FAM117B: variants seen among roughly 807,000 people sequenced by gnomAD.
FAM117B encodes family with sequence similarity 117 member B, also known as protein FAM117B.
FAM117B carries 22 observed loss-of-function variants against 52.8 expected under a neutral mutation model. The ratio of observed to expected loss-of-function variants is 0.42; its 90% confidence interval spans 0.30 to 0.59. FAM117B has a LOEUF of 0.59. Ranked by LOEUF, FAM117B falls within the 20% of genes least tolerant of loss-of-function variation. FAM117B has a pLI of 0.22. For synonymous variants in FAM117B, 309 were observed against 324.1 expected (o/e 0.95, Z 0.50); for missense variants, 678 against 802.6 (o/e 0.84, Z 1.88).
rs1689668498 is a variant in FAM117B, at chr2:202,635,562, C to A, written c.375C>A (p.Pro125=). ...CGACGTCCACGCGAGGCACCAGCCC[C>A]ACGCGCAGCGCCGCGCCTGGAGCTC... The part of the protein sequence containing the change: ...ASATSTRGTS[P]TRSAAPGARG... The change falls in exon 1 of 8, where the codon CCC becomes CCA. Residue 125 remains proline (P), a synonymous_variant. Transcript: ENST00000392238. 1 of 1,218,740 alleles carries A rather than the reference C, an allele frequency of 8.2e-7. No individual in the cohort carries two copies. The highest frequency in any genetic ancestry group is 1.6e-5 in the African/African-American group (1 of 62,716). 75.5% of individuals were successfully genotyped at this position (1,218,740 alleles called of 1,614,324 possible).
At chr2:202,695,464 C>T (rs1221393764) in intron 1 of FAM117B, among the ~76,000 whole-genome samples, 2 of 152,136 alleles carry the variant, frequency 1.3e-5, no homozygotes, top group Non-Finnish European at 2.9e-5. Flanking sequence ...ATGCTCCCTA[C>T]CTGCTAGTCA....
At chr2:202,642,364 T>TATATATATATAA (rs1356064400) in intron 1 of FAM117B, among the ~76,000 whole-genome samples, 1 of 148,386 alleles carries the variant, frequency 6.7e-6, no homozygotes, top group African/African-American at 2.5e-5. Flanking sequence ...TATATATATA[T>TATATATATATAA]AAAATGAGTA....
chr2:202,649,213 T>C (rs892387653), intron 1 of FAM117B, among the ~76,000 whole-genome samples: 1 of 152,226 alleles, frequency 6.6e-6, no homozygotes, highest in Non-Finnish European at 1.5e-5. Context: ...ATCTTACTAT[T>C]ATTTTTTGGA....
intron 2 of FAM117B, among the ~76,000 whole-genome samples, chr2:202,722,050 G>A (rs529780850): frequency 3.8e-5 from 5 of 132,828 alleles, no homozygotes; most frequent in Middle Eastern, 5.1e-3. Context: ...TCTCACTGTC[G>A]CCCGGGCTAG....
At position 202,635,427 on chromosome 2, in the gene FAM117B, C is replaced by CGGCGGCGGT; in HGVS notation, c.244_252dup (p.Gly82_Gly84dup). 8.1e-7 allele frequency: 1 copy of CGGCGGCGGT among 1,235,298 alleles called. No individual in the cohort carries two copies. The highest frequency in any genetic ancestry group is 1.0e-6 in the Non-Finnish European group (1 of 992,592). The allele number at this position is 1,235,298 out of a possible 1,614,324, so 76.5% of individuals were successfully genotyped here. A position where few individuals can be genotyped will look rare whatever the true frequency, so the allele number is the denominator to read the frequency against. On this transcript the variant is annotated inframe_insertion, in exon 1 of 8. Coordinates refer to ENST00000392238, the MANE Select transcript of FAM117B (RefSeq NM_173511.4). Reference sequence around the variant, plus strand: ...GCGCCTCAGGCCCCGCAGGCGGCGGCGGCGGCGGTGGCCCGCGCACCGCCT... The same window carrying CGGCGGCGGT: ...GCGCCTCAGGCCCCGCAGGCGGCGGCGGCGGCGGTGGCGGCGGTGGCCCGCGCACCGCCT...
chr2:202,733,521 G>T (rs971671750), intron 4 of FAM117B, among the ~76,000 whole-genome samples: 2 of 152,066 alleles, frequency 1.3e-5, no homozygotes, highest in African/African-American at 4.8e-5. Flanking sequence ...CTCCCCCCAG[G>T]AATGTATTCC....
intron 1 of FAM117B, among the ~76,000 whole-genome samples, chr2:202,637,031 G>T (rs960242733): frequency 3.3e-5 from 5 of 151,548 alleles, no homozygotes; most frequent in African/African-American, 1.2e-4. Context: ...TGAGTAGCTG[G>T]GATTACAGGC....
At chr2:202,694,773 A>T (rs1045961724) in intron 1 of FAM117B, among the ~76,000 whole-genome samples, 14 of 152,030 alleles carry the variant, frequency 9.2e-5, no homozygotes, top group African/African-American at 3.4e-4. Context: ...AATTTGTCTT[A>T]ATCTTTTGGG....
rs931445117 is a variant in FAM117B at position 202,670,246 on chromosome 2, G to A, written c.602-25635G>A. Reference sequence around the variant, plus strand: ...TGAAAAGAGAAATAAGACACATCAAGCTTCTGTCCTCAAGGAGCATACTTT... The same window carrying A: ...TGAAAAGAGAAATAAGACACATCAAACTTCTGTCCTCAAGGAGCATACTTT... On this transcript the variant is annotated intron_variant, in intron 1 of 7. Transcript: ENST00000392238. 2.0e-5 allele frequency among the ~76,000 whole-genome samples: 3 copies of A among 152,118 alleles called. 1 individual carries two copies. The South Asian group carries it at 6.2e-4, about 32-fold the overall frequency.
chr2:202,732,929 A>G (rs1691379900), intron 4 of FAM117B, among the ~76,000 whole-genome samples: 1 of 151,972 alleles, frequency 6.6e-6, no homozygotes, highest in South Asian at 2.1e-4. Context: ...TTCTTAGGAA[A>G]TACCCAAAAT....
At chr2:202,699,426 CAAAAAAAAAAAAAA>C (rs751190825) in intron 2 of FAM117B, among the ~76,000 whole-genome samples, 1 of 17,914 alleles carries the variant, frequency 5.6e-5, no homozygotes, top group African/African-American at 1.8e-4. Flanking sequence ...GACCCCATCT[CAAAAAAAAAAAAAA>C]AAAAAAAAGA....
Position 202,635,501 on chromosome 2 carries a change from C to G in FAM117B, c.314C>G (p.Thr105Ser), listed in dbSNP as rs2105748619. 2 of 1,066,588 alleles carry G rather than the reference C, an allele frequency of 1.9e-6. No homozygotes were observed. The highest frequency in any genetic ancestry group is 1.7e-5 in the African/African-American group (1 of 58,702). The allele number at this position is 1,066,588 out of a possible 1,614,324, so 66.1% of individuals were successfully genotyped here. The change falls in exon 1 of 8, where the codon ACC becomes AGC. Residue 105 changes from threonine (T) to serine (S), a missense_variant. Coordinates refer to ENST00000392238, the MANE Select transcript of FAM117B (RefSeq NM_173511.4). ...GGCGGCGGGAACGCGGCCGCGCGCA[C>G]CAGCCCCACGGTGGCCACGCAGACG... is the stretch of plus-strand genomic sequence containing the variant. The part of the protein sequence containing the change: ...TRGGGNAAAR[T>S]SPTVATQTGA...
chr2:202,691,243 C>T (rs1259947209), intron 1 of FAM117B, among the ~76,000 whole-genome samples: 1 of 152,098 alleles, frequency 6.6e-6, no homozygotes, highest in Non-Finnish European at 1.5e-5. Flanking sequence ...TGGAGAAACG[C>T]TGTCTCTACT....
At chr2:202,725,516 A>T (rs1315928987) in intron 3 of FAM117B, among the ~76,000 whole-genome samples, 2 of 152,054 alleles carry the variant, frequency 1.3e-5, no homozygotes, top group African/African-American at 4.8e-5. Flanking sequence ...ATGGGGTTTC[A>T]TCATGTTGTC....
Position 202,694,188 on chromosome 2 carries a change from C to CTTTTTTTTTTTTTTTT in FAM117B, c.602-1687_602-1672dup, listed in dbSNP as rs757843381. Among the ~76,000 whole-genome samples the CTTTTTTTTTTTTTTTT allele has an allele frequency of 3.0e-4, 30 of 99,066 alleles. 4 individuals are homozygous for CTTTTTTTTTTTTTTTT. The highest frequency in any genetic ancestry group is 1.1e-3 in the African/African-American group (26 of 22,870). 65.0% of individuals were successfully genotyped at this position (99,066 alleles called of 152,430 possible). On this transcript the variant is annotated intron_variant, in intron 1 of 7. Transcript: ENST00000392238. Reference sequence around the variant, plus strand: ...GAAGATGTTATTGCAAAACCCACTTCTTTTTTTTTTTTTTTTTTTTTGAGA... The same window carrying CTTTTTTTTTTTTTTTT: ...GAAGATGTTATTGCAAAACCCACTTCTTTTTTTTTTTTTTTTTTTTTTTTTTTTTTTTTTTTTGAGA...
chr2:202,648,211 A>G (rs1380538122), intron 1 of FAM117B, among the ~76,000 whole-genome samples: 1 of 152,162 alleles, frequency 6.6e-6, no homozygotes, highest in Non-Finnish European at 1.5e-5. Context: ...ATGTATATTC[A>G]GATATATGCA....
chr2:202,762,308 G>A (rs1401963331), intron 7 of FAM117B, among the ~76,000 whole-genome samples: 1 of 152,120 alleles, frequency 6.6e-6, no homozygotes, highest in African/African-American at 2.4e-5. Context: ...AAGAAAATAG[G>A]TGGTTGGATT....
At position 202,639,763 on chromosome 2, in the gene FAM117B, T is replaced by TA. The variant is rs1310828905; in HGVS notation, c.601+3976dup. Among the ~76,000 whole-genome samples the TA allele has an allele frequency of 5.1e-4, 78 of 152,212 alleles. 1 individual carries two copies. The highest frequency in any genetic ancestry group is 1.5e-4 in the Non-Finnish European group (10 of 68,040). ...AAGGGAAAACTGAAAAACAGCACAG[T>TA]ACCTCAGTATAAAAGTTAGCTGTTG... is the stretch of plus-strand genomic sequence containing the variant. On this transcript the variant is annotated intron_variant, in intron 1 of 7. Transcript: ENST00000392238.
chr2:202,710,451 C>G (rs889025872), intron 2 of FAM117B, among the ~76,000 whole-genome samples: 1 of 151,798 alleles, frequency 6.6e-6, no homozygotes, highest in Admixed American at 6.6e-5. Context: ...TATGGGGTAG[C>G]TGAGATATTC....
Sources: gnomAD v4.1 joint callset for allele counts (sites outside exome capture counted in the v4.1 genomes callset) on GRCh38, gnomAD v4.1.1 for gene constraint, MANE v1.5 for transcripts, NCBI Gene and HGNC (gene_info 2026-07-23, HGNC 2026-07-21) for gene names.